Variants in NAA16 observed in about 807,000 individuals in gnomAD.
The protein encoded by NAA16 is N-alpha-acetyltransferase 16, NatA auxiliary subunit.
NAA16 carries 97 observed loss-of-function variants against 110.3 expected under a neutral mutation model. The ratio of observed to expected loss-of-function variants is 0.88; its 90% CI spans 0.75 to 1.04. The LOEUF (loss-of-function observed/expected upper bound fraction) is 1.04. Ranked by LOEUF, NAA16 falls within the 50% of genes least tolerant of loss-of-function variation. The pLI is 0.00. For synonymous variants in NAA16, 372 were observed against 330.6 expected (o/e 1.13, Z -1.36); for missense variants, 1,017 against 1,005.1 (o/e 1.01, Z -0.16).
chr13:41,325,414 A>G (rs2042066320), intron 5 of NAA16, among the ~76,000 whole-genome samples: 1 of 151,696 alleles, frequency 6.6e-6, no homozygotes, highest in East Asian at 1.9e-4. Flanking sequence ...TATTAACTCT[A>G]GTAGTTTTTT....
intron 15 of NAA16, among the ~76,000 whole-genome samples, chr13:41,370,045 C>T (rs2043286043): frequency 6.6e-6 from 1 of 152,162 alleles, no homozygotes; most frequent in Admixed American, 6.5e-5. Context: ...AGAGATAGCA[C>T]CTCCAGGATT....
At chr13:41,351,613 G>A (rs1359667825) in intron 9 of NAA16, among the ~76,000 whole-genome samples, 1 of 152,168 alleles carries the variant, frequency 6.6e-6, no homozygotes, top group Non-Finnish European at 1.5e-5. Context: ...GGTCACCAAG[G>A]ACATACTTTA....
chr13:41,370,955 A>T (rs2139516632), intron 15 of NAA16, among the ~76,000 whole-genome samples: 1 of 152,344 alleles, frequency 6.6e-6, no homozygotes, highest in Admixed American at 6.5e-5. Flanking sequence ...ATCAAGCCTG[A>T]AACAATAAAT....
chr13:41,342,717 G>A (rs748980088), intron 9 of NAA16, among the ~76,000 whole-genome samples: 2 of 152,136 alleles, frequency 1.3e-5, no homozygotes, highest in Non-Finnish European at 2.9e-5. Flanking sequence ...TTTCTGTAAC[G>A]CCCATAGATA....
At chr13:41,349,260 AT>A in intron 9 of NAA16, among the ~76,000 whole-genome samples, 1 of 152,110 alleles carries the variant, frequency 6.6e-6, no homozygotes, top group East Asian at 1.9e-4. Context: ...ATTGTAACTC[AT>A]TGTAGCATCA....
chr13:41,318,923 A>G lies in NAA16; in HGVS notation c.244+13A>G, dbSNP rs1427414156. 2 of 1,488,152 alleles carry G rather than the reference A, an allele frequency of 1.3e-6. No homozygotes were observed. The highest frequency in any genetic ancestry group is 1.3e-5 in the South Asian group (1 of 78,810). 92.2% of individuals were successfully genotyped at this position (1,488,152 alleles called of 1,614,324 possible). ...AAGAGTCATGTCTGTATCCTTTTGCAGTAGTTAAATAGTTTATGTTTTAGC... is the reference window on the plus strand; with the variant it reads ...AAGAGTCATGTCTGTATCCTTTTGCGGTAGTTAAATAGTTTATGTTTTAGC... On this transcript the variant is annotated intron_variant, in intron 3 of 19. Transcript: ENST00000379406.
At chr13:41,342,762 C>T (rs2042586219) in intron 9 of NAA16, among the ~76,000 whole-genome samples, 1 of 152,100 alleles carries the variant, frequency 6.6e-6, no homozygotes, top group Non-Finnish European at 1.5e-5. Context: ...AGATGTTTGA[C>T]CAGCCATTTC....
rs140898550 is a variant in NAA16 at position 41,311,280 on chromosome 13, ACCG to A, written c.-235_-233del. The A allele has an allele frequency of 7.2e-4, 389 of 542,898 alleles. No homozygotes were observed. Among genetic ancestry groups the A allele is most frequent in the Middle Eastern group, 1.3e-3 (3 of 2,252 alleles). 33.6% of individuals were successfully genotyped at this position (542,898 alleles called of 1,614,324 possible). On this transcript the variant is annotated 5_prime_UTR_variant, in exon 1 of 20. Coordinates refer to ENST00000379406, the MANE Select transcript of NAA16 (RefSeq NM_024561.5). ...GGCTGCCATCTTGCAGTGCGCGGGA[ACCG>A]CCGCCGCCGCCGCTGGCCAAAAAGC...
Position 41,362,146 on chromosome 13 carries a change from A to G in NAA16, c.1526A>G (p.His509Arg), listed in dbSNP as rs759538686. 2 of 1,604,516 alleles carry G rather than the reference A, an allele frequency of 1.2e-6. No individual in the cohort carries two copies. Among genetic ancestry groups the G allele is most frequent in the South Asian group, 1.1e-5 (1 of 88,952 alleles). ...GRYGDALKKC[H>R]EVERHFFEIT... is the part of the protein sequence containing the mutation. ...TACGGGGATGCCTTGAAAAAATGTC[A>G]TGAAGTAGAAAGGGTAAGTTGTTAG... The change falls in exon 13 of 20, where the codon CAT (histidine) becomes CGT (arginine). Residue 509 changes from histidine to arginine, a missense_variant. Transcript: ENST00000379406.
At chr13:41,344,828 A>G (rs9590591) in intron 9 of NAA16, among the ~76,000 whole-genome samples, 5,697 of 152,290 alleles carry the variant, frequency 0.037, 330 homozygotes, top group African/African-American at 0.13. Context: ...CATCACTGCA[A>G]TGTAATGTTT....
At position 41,367,428 on chromosome 13, in the gene NAA16, T is replaced by A. The variant is rs1420597207; in HGVS notation, c.1540-11T>A. The A allele has an allele frequency of 3.8e-6, 6 of 1,577,202 alleles. No individual in the cohort carries two copies. The highest frequency in any genetic ancestry group is 5.2e-6 in the Non-Finnish European group (6 of 1,153,556). The stretch of plus-strand genomic sequence containing the variant: ...AATGTAAAGGTTAATTTTGTGATTT[T>A]TGTTTTTAAGCATTTTTTTGAGATA... On this transcript the variant is annotated splice_polypyrimidine_tract_variant and intron_variant, in intron 13 of 19. Transcript: ENST00000379406.
chr13:41,328,499 G>A (rs1330246183), intron 6 of NAA16, among the ~76,000 whole-genome samples: 1 of 152,072 alleles, frequency 6.6e-6, no homozygotes, highest in East Asian at 1.9e-4. Context: ...AATGTCCTAT[G>A]TATTTGTTTG....
Position 41,311,275 on chromosome 13 carries a change from C to G in NAA16, c.-254C>G, listed in dbSNP as rs1165562241. On this transcript the variant is annotated 5_prime_UTR_variant, in exon 1 of 20. Transcript: ENST00000379406. ...ACCCTGGCTGCCATCTTGCAGTGCG[C>G]GGGAACCGCCGCCGCCGCCGCTGGC... The G allele has an allele frequency of 3.6e-6, 2 of 553,262 alleles. No homozygotes were observed. Among genetic ancestry groups the G allele is most frequent in the Non-Finnish European group, 6.3e-6 (2 of 316,626 alleles). The allele number at this position is 553,262 out of a possible 1,614,324, so 34.3% of individuals were successfully genotyped here. A position where few individuals can be genotyped will look rare whatever the true frequency, so the allele number is the denominator to read the frequency against.
chr13:41,325,998 C>A, intron 6 of NAA16, 147 bp downstream of exon 6: 2 of 564,658 alleles, frequency 3.5e-6, no homozygotes, highest in Non-Finnish European at 5.9e-6. Context: ...CTAGTTTAAT[C>A]CTCATAACAA....
intron 5 of NAA16, among the ~76,000 whole-genome samples, chr13:41,324,898 T>C (rs1471705451): frequency 6.6e-6 from 1 of 150,860 alleles, no homozygotes; most frequent in African/African-American, 2.4e-5. Context: ...TTTTAAGACA[T>C]AATGCTGCTG....
chr13:41,331,170 G>A, intron 7 of NAA16, 104 bp from the exon 8 acceptor site: 1 of 653,276 alleles, frequency 1.5e-6, no homozygotes, highest in East Asian at 2.7e-5. Flanking sequence ...CTTTAATATT[G>A]TTAATGCAGT....
At chr13:41,357,376 T>C (rs1303798269) in intron 10 of NAA16, among the ~76,000 whole-genome samples, 1 of 15,960 alleles carries the variant, frequency 6.3e-5, no homozygotes, top group Non-Finnish European at 1.0e-4. Flanking sequence ...TTGATTCTAA[T>C]AATTTCTGCA....
intron 9 of NAA16, among the ~76,000 whole-genome samples, chr13:41,339,113 T>C (rs892327197): frequency 1.3e-4 from 4 of 29,690 alleles, no homozygotes; most frequent in South Asian, 5.0e-3. Context: ...GAAATGTATT[T>C]CTTGTTTTTG....
At chr13:41,331,149 A>G (rs1194741385) in intron 7 of NAA16, 125 bp from the exon 8 acceptor site, 6 of 559,316 alleles carry the variant, frequency 1.1e-5, no homozygotes, top group Non-Finnish European at 1.9e-5. Flanking sequence ...TTTTACCAAA[A>G]TTGAAAGCAG....
Sources: gnomAD v4.1 joint callset for allele counts (sites outside exome capture counted in the v4.1 genomes callset) on GRCh38, gnomAD v4.1.1 for gene constraint, MANE v1.5 for transcripts, NCBI Gene and HGNC (gene_info 2026-07-23, HGNC 2026-07-21) for gene names.